POPDC2: variants seen among roughly 807,000 people sequenced by gnomAD.
The protein encoded by POPDC2 is popeye domain cAMP effector 2.
A neutral mutation model predicts 30.5 loss-of-function variants in POPDC2; 24 were observed. The observed-to-expected ratio is 0.79, with a 90% CI of 0.57 to 1.11. POPDC2 has a LOEUF of 1.11. Among genes scored for constraint, POPDC2 ranks in the 50% least tolerant of loss-of-function variants. The pLI is 0.00. For missense variants in POPDC2, 409 were observed against 447.0 expected, an observed-to-expected ratio of 0.91 and a Z score of 0.77; for synonymous variants, 185 against 183.3, an observed-to-expected ratio of 1.01 and a Z score of -0.07.
At chr3:119,653,288 C>T (rs184021287) in intron 2 of POPDC2, among the ~76,000 whole-genome samples, 11 of 152,224 alleles carry the variant, frequency 7.2e-5, no homozygotes, top group Admixed American at 4.6e-4. Context: ...CAATATGATA[C>T]GTAGTGCCTG....
chr3:119,656,920 T>C (rs2052885627), intron 1 of POPDC2, among the ~76,000 whole-genome samples: 1 of 152,224 alleles, frequency 6.6e-6, no homozygotes, highest in Non-Finnish European at 1.5e-5. Flanking sequence ...ATGGGCACAA[T>C]CTGGTCTTTG....
chr3:119,648,915 G>A (rs1435566459), intron 2 of POPDC2, among the ~76,000 whole-genome samples: 1 of 152,172 alleles, frequency 6.6e-6, no homozygotes, highest in Non-Finnish European at 1.5e-5. Context: ...ATCACCTCCT[G>A]AAGCCTCAGT....
chr3:119,657,007 T>C (rs2052887191), intron 1 of POPDC2, among the ~76,000 whole-genome samples: 1 of 152,240 alleles, frequency 6.6e-6, no homozygotes, highest in East Asian at 1.9e-4. Context: ...ATAGGTGCTA[T>C]TGTGGAACAG....
rs748920995 is a variant in POPDC2, at chr3:119,660,381, C to T, written c.43G>A (p.Gly15Ser). ...SSRVGQLLLQGSACIRWKQDV... is the reference protein window; with the variant it reads ...SSRVGQLLLQSSACIRWKQDV... ...TGCTTCCACCTAATGCACGCTGAACCCTGCAAGAGAAGCTGGCCCACTCTG... is the reference window on the plus strand; with the variant it reads ...TGCTTCCACCTAATGCACGCTGAACTCTGCAAGAGAAGCTGGCCCACTCTG... The change falls in exon 1 of 4, where the codon GGT becomes AGT. Residue 15 changes from glycine to serine, a missense_variant. Coordinates refer to ENST00000493094, the MANE Select transcript of POPDC2 (RefSeq NM_001369919.2). 12 of 1,613,718 alleles carry T rather than the reference C, an allele frequency of 7.4e-6. No individual in the cohort carries two copies. The South Asian group carries it at 1.3e-4, about 18-fold the overall frequency.
At chr3:119,645,455 G>T (rs1408522493) in intron 3 of POPDC2, among the ~76,000 whole-genome samples, 1 of 152,042 alleles carries the variant, frequency 6.6e-6, no homozygotes, top group Non-Finnish European at 1.5e-5. Context: ...CCAGCTACTC[G>T]GGAGGCTGAG....
At chr3:119,658,348 T>C (rs1258333456) in intron 1 of POPDC2, among the ~76,000 whole-genome samples, 1 of 152,164 alleles carries the variant, frequency 6.6e-6, no homozygotes, top group African/African-American at 2.4e-5. Context: ...ATGCTAAGTA[T>C]ACCAGGAAAA....
In POPDC2 at chr3:119,646,264, T is replaced by TA. The variant is rs1401822063; in HGVS notation, c.*43+1854dup. On this transcript the variant is annotated intron_variant, in intron 3 of 3. Transcript: ENST00000493094. Reference sequence around the variant, plus strand: ...ATAGGAGAGATAAATATATGAACAATAAAATGGAAGAAAACAAGAGACAAG... The same window carrying TA: ...ATAGGAGAGATAAATATATGAACAATAAAAATGGAAGAAAACAAGAGACAAG... 2.0e-5 allele frequency among the ~76,000 whole-genome samples: 3 copies of TA among 151,532 alleles called. No homozygotes were observed. The East Asian group carries it at 5.8e-4, about 29-fold the overall frequency.
At chr3:119,653,155 T>C (rs2052834992) in intron 2 of POPDC2, among the ~76,000 whole-genome samples, 1 of 152,236 alleles carries the variant, frequency 6.6e-6, no homozygotes, top group South Asian at 2.1e-4. Flanking sequence ...AACTTGGCTT[T>C]GTCACTTTCT....
chr3:119,660,690 T>C, upstream of POPDC2: 1 of 77,548 alleles, frequency 1.3e-5, no homozygotes, highest in Non-Finnish European at 2.4e-5. Flanking sequence ...CCCCGCTGTC[T>C]CAGCAAGGCT....
Position 119,654,500 on chromosome 3 carries a change from G to C in POPDC2, c.600+5C>G, listed in dbSNP as rs968013689. The C allele has an allele frequency of 6.2e-7, 1 of 1,601,286 alleles. No homozygotes were observed. Among genetic ancestry groups the C allele is most frequent in the Non-Finnish European group, 8.6e-7 (1 of 1,168,996 alleles). ...AGGCGGTGCTGCCACCAGGCTCCCT[G>C]TTACCTGGAACACCCCCTCCTCAGA... is the stretch of plus-strand genomic sequence containing the variant. On this transcript the variant is annotated splice_donor_5th_base_variant and intron_variant, in intron 2 of 3. Coordinates refer to ENST00000493094, the MANE Select transcript of POPDC2 (RefSeq NM_001369919.2).
intron 2 of POPDC2, among the ~76,000 whole-genome samples, chr3:119,653,058 A>C (rs975436100): frequency 7.0e-6 from 1 of 143,450 alleles, no homozygotes; most frequent in Non-Finnish European, 1.6e-5. Context: ...ATGCGTGTGC[A>C]TGTGTGTGTG....
intron 3 of POPDC2, among the ~76,000 whole-genome samples, chr3:119,645,518 G>A (rs887677828): frequency 2.0e-5 from 3 of 148,648 alleles, no homozygotes; most frequent in South Asian, 4.2e-4. Flanking sequence ...AGCCGAGATC[G>A]CGCCACTGCG....
At chr3:119,643,488 A>G in intron 3 of POPDC2, 1 of 1,275,488 alleles carries the variant, frequency 7.8e-7, no homozygotes, top group Non-Finnish European at 1.1e-6. Context: ...AGAGACTGCT[A>G]AACAATTGTA....
At chr3:119,646,711 A>T (rs2052749818) in intron 3 of POPDC2, among the ~76,000 whole-genome samples, 2 of 152,170 alleles carry the variant, frequency 1.3e-5, no homozygotes, top group Non-Finnish European at 2.9e-5. Context: ...TTGGAGAAGA[A>T]AGAAGAGAAA....
chr3:119,657,164 C>A (rs1340441800), intron 1 of POPDC2, among the ~76,000 whole-genome samples: 4 of 152,188 alleles, frequency 2.6e-5, no homozygotes, highest in Non-Finnish European at 5.9e-5. Context: ...TCCAGTGTGG[C>A]AGTCTGTTCT....
chr3:119,660,652 CT>C (rs1353243852), upstream of POPDC2: 7 of 185,896 alleles, frequency 3.8e-5, no homozygotes, highest in African/African-American at 9.1e-5. Flanking sequence ...CTCTCTCCCC[CT>C]CTCCCCCCCT....
Position 119,648,148 on chromosome 3 carries a change from T to C in POPDC2, c.*14A>G, listed in dbSNP as rs764594457. ...GATCCTGAGCCGGTGGCTGTGCCCA[T>C]GTTAGTTCTCCCTTCACCTCATGTA... On this transcript the variant is annotated 3_prime_UTR_variant, in exon 3 of 4. Transcript: ENST00000493094. 1.3e-6 allele frequency: 2 copies of C among 1,494,744 alleles called. No individual in the cohort carries two copies. Among genetic ancestry groups the C allele is most frequent in the Non-Finnish European group, 1.8e-6 (2 of 1,118,304 alleles). 92.6% of individuals were successfully genotyped at this position (1,494,744 alleles called of 1,614,324 possible).
rs1560096707 is a variant in POPDC2 at position 119,648,614 on chromosome 3, G to A, written c.655C>T (p.Leu219Phe). ...CSYISWPRKS[L>F]HLLLTKERYI... is the part of the protein sequence containing the mutation. ...CGCTCTTTGGTCAGAAGAAGATGGA[G>A]ACTTTTCCGGGGCCAGGAAATGTAG... Residue 219 changes from leucine (L) to phenylalanine (F), a missense_variant, in exon 3 of 4, where the codon CTC (leucine) becomes TTC (phenylalanine). Leu to Phe is a conservative substitution (Grantham distance 22). Coordinates refer to ENST00000493094, the MANE Select transcript of POPDC2 (RefSeq NM_001369919.2). The A allele has an allele frequency of 6.2e-7, 1 of 1,614,172 alleles. No individual in the cohort carries two copies. Among genetic ancestry groups the A allele is most frequent in the African/African-American group, 1.3e-5 (1 of 75,040 alleles).
At chr3:119,645,291 A>G (rs1577166343) in intron 3 of POPDC2, among the ~76,000 whole-genome samples, 3 of 152,340 alleles carry the variant, frequency 2.0e-5, no homozygotes, top group East Asian at 3.9e-4. Context: ...GGCCGGGCGC[A>G]GTGGCTCACG....
Sources: gnomAD v4.1 joint callset for allele counts (sites outside exome capture counted in the v4.1 genomes callset) on GRCh38, gnomAD v4.1.1 for gene constraint, MANE v1.5 for transcripts, NCBI Gene and HGNC (gene_info 2026-07-23, HGNC 2026-07-21) for gene names.